Variants in ATP1B3 observed in about 807,000 individuals in gnomAD.
ATP1B3 encodes the protein sodium/potassium-transporting ATPase subunit beta-3.
A neutral mutation model predicts 30.2 loss-of-function variants in ATP1B3; 10 were observed. That is an observed-to-expected ratio of 0.33 (90% CI 0.20 to 0.56). ATP1B3 has a LOEUF of 0.56. Ranked by LOEUF, ATP1B3 falls within the 20% of genes least tolerant of loss-of-function variation. ATP1B3 has a pLI of 0.90. For missense variants in ATP1B3, 238 were observed against 336.7 expected (o/e 0.71, Z 2.29); for synonymous variants, 113 against 117.0 (o/e 0.97, Z 0.22).
rs139334273 is a variant in ATP1B3 at position 141,903,782 on chromosome 3, T to G, written c.238+34T>G. 902 of 1,599,284 alleles carry G rather than the reference T, an allele frequency of 5.6e-4. 8 individuals carry two copies. In the African/African-American group the frequency reaches 0.011, roughly 20 times the overall value. On this transcript the variant is annotated intron_variant, in intron 2 of 6. Coordinates refer to ENST00000286371, the MANE Select transcript of ATP1B3 (RefSeq NM_001679.4). Reference sequence around the variant, plus strand: ...CTTGCAGTTATGACTTTGTTTTTTGTTTTTTGTTTTTTTTTTGAGACAGAG... The same window carrying G: ...CTTGCAGTTATGACTTTGTTTTTTGGTTTTTGTTTTTTTTTTGAGACAGAG...
chr3:141,890,956 G>T (rs1186889083), intron 1 of ATP1B3, among the ~76,000 whole-genome samples: 1 of 152,076 alleles, frequency 6.6e-6, no homozygotes, highest in African/African-American at 2.4e-5. Flanking sequence ...ATTCTTTATG[G>T]ACTCATCTTT....
At chr3:141,887,145 G>A (rs181398089) in intron 1 of ATP1B3, among the ~76,000 whole-genome samples, 3 of 152,326 alleles carry the variant, frequency 2.0e-5, no homozygotes, top group African/African-American at 4.8e-5. Flanking sequence ...CTGACCACAC[G>A]GTGTTTGTTG....
At chr3:141,905,889 C>G (rs142270986) in intron 2 of ATP1B3, among the ~76,000 whole-genome samples, 4 of 151,528 alleles carry the variant, frequency 2.6e-5, no homozygotes, top group African/African-American at 9.7e-5. Context: ...AATTATTTGT[C>G]GATTATTTTA....
chr3:141,918,481 G>C (rs1212121696), intron 5 of ATP1B3: 4 of 148,346 alleles, frequency 2.7e-5, no homozygotes, highest in African/African-American at 5.0e-5. Flanking sequence ...GTCTCTCTCT[G>C]TTGCCCAGGC....
At chr3:141,912,235 CT>C (rs2107776293) in intron 3 of ATP1B3, among the ~76,000 whole-genome samples, 1 of 152,086 alleles carries the variant, frequency 6.6e-6, no homozygotes, top group East Asian at 1.9e-4. Context: ...TTTACACTTC[CT>C]TTTTGAGGCA....
At chr3:141,924,946 C>G (rs533909378) in intron 6 of ATP1B3, among the ~76,000 whole-genome samples, 3 of 151,622 alleles carry the variant, frequency 2.0e-5, no homozygotes, top group African/African-American at 7.3e-5. Flanking sequence ...GAGCAAGACT[C>G]TGCCTCACAA....
At chr3:141,907,429 TG>T (rs1934283339) in intron 3 of ATP1B3, among the ~76,000 whole-genome samples, 155 bp downstream of exon 3, 1 of 152,078 alleles carries the variant, frequency 6.6e-6, no homozygotes, top group African/African-American at 2.4e-5. Flanking sequence ...GTCTTGGACC[TG>T]GCCAACATGG....
chr3:141,908,973 A>T (rs1430496334), intron 3 of ATP1B3, among the ~76,000 whole-genome samples: 1 of 151,716 alleles, frequency 6.6e-6, no homozygotes. Context: ...CCTGCTTTGG[A>T]TCTCATCCTC....
At chr3:141,889,961 T>C (rs1277102397) in intron 1 of ATP1B3, among the ~76,000 whole-genome samples, 1 of 151,126 alleles carries the variant, frequency 6.6e-6, no homozygotes, top group Non-Finnish European at 1.5e-5. Context: ...AAAAATATTG[T>C]GCAGTTTTTT....
At chr3:141,902,970 GGCC>G in intron 1 of ATP1B3, 1 of 151,990 alleles carries the variant, frequency 6.6e-6, no homozygotes, top group Middle Eastern at 3.2e-3. Flanking sequence ...CTTGCACAAG[GGCC>G]ATGCTAATCT....
intron 4 of ATP1B3, 96 bp downstream of exon 4, chr3:141,913,932 C>A: frequency 8.3e-7 from 1 of 1,205,328 alleles, no homozygotes; most frequent in Non-Finnish European, 1.1e-6. Flanking sequence ...TTAATGCCTT[C>A]CTTATTAAAA....
intron 4 of ATP1B3, among the ~76,000 whole-genome samples, chr3:141,915,095 C>T (rs1460783839): frequency 6.6e-6 from 1 of 152,204 alleles, no homozygotes; most frequent in Admixed American, 6.5e-5. Flanking sequence ...GATTGCTGAA[C>T]ATTTGTTCCC....
chr3:141,917,006 G>A (rs577171443), intron 5 of ATP1B3, among the ~76,000 whole-genome samples: 5 of 144,834 alleles, frequency 3.5e-5, no homozygotes, highest in East Asian at 2.0e-4. Flanking sequence ...GACTACAGGC[G>A]CTCCCGGCTA....
At chr3:141,906,983 GT>G (rs1576396774) in intron 2 of ATP1B3, among the ~76,000 whole-genome samples, 183 bp from the exon 3 acceptor site, 1 of 152,162 alleles carries the variant, frequency 6.6e-6, no homozygotes, top group African/African-American at 2.4e-5. Context: ...GGTTTTGAAG[GT>G]TTGAGTTATT....
intron 3 of ATP1B3, among the ~76,000 whole-genome samples, chr3:141,909,282 C>T (rs1248397382): frequency 6.6e-6 from 1 of 152,186 alleles, no homozygotes; most frequent in Non-Finnish European, 1.5e-5. Flanking sequence ...CAGCAGAAGT[C>T]CTATTAATTT....
At chr3:141,890,017 A>G (rs1933911420) in intron 1 of ATP1B3, among the ~76,000 whole-genome samples, 1 of 149,344 alleles carries the variant, frequency 6.7e-6, no homozygotes, top group Admixed American at 6.7e-5. Context: ...TTTAATTTGT[A>G]ATTTCTTCAA....
chr3:141,893,872 A>C (rs967043778), intron 1 of ATP1B3, among the ~76,000 whole-genome samples: 1 of 152,154 alleles, frequency 6.6e-6, no homozygotes, highest in Non-Finnish European at 1.5e-5. Flanking sequence ...CCTTCTGAGA[A>C]ATGTGCTTAG....
At chr3:141,893,416 G>A (rs1933996435) in intron 1 of ATP1B3, among the ~76,000 whole-genome samples, 1 of 151,942 alleles carries the variant, frequency 6.6e-6, no homozygotes, top group Non-Finnish European at 1.5e-5. Flanking sequence ...TTATTTCTTT[G>A]AGAGTTCTTG....
chr3:141,919,451 A>G (rs752258911), intron 5 of ATP1B3, among the ~76,000 whole-genome samples: 1 of 152,120 alleles, frequency 6.6e-6, no homozygotes, highest in Non-Finnish European at 1.5e-5. Context: ...TTAAAAGATG[A>G]TCCTGCAAAA....
Sources: gnomAD v4.1 joint callset for allele counts (sites outside exome capture counted in the v4.1 genomes callset) on GRCh38, gnomAD v4.1.1 for gene constraint, MANE v1.5 for transcripts, NCBI Gene and HGNC (gene_info 2026-07-23, HGNC 2026-07-21) for gene names.